SNTB1: variants seen among roughly 807,000 people sequenced by gnomAD.
SNTB1 encodes syntrophin beta 1, also known as beta-1-syntrophin.
A neutral mutation model predicts 48.9 loss-of-function variants in SNTB1; 36 were observed. The ratio of observed to expected loss-of-function variants is 0.74; its 90% CI spans 0.56 to 0.97. The LOEUF is 0.97. Ranked by LOEUF, SNTB1 falls within the 50% of genes least tolerant of loss-of-function variation. The probability of loss-of-function intolerance (pLI) is 0.00; values close to 1 mark genes in which losing one functional copy is unlikely to be tolerated. For missense variants in SNTB1, 786 were observed against 703.4 expected, an observed-to-expected ratio of 1.12 and a Z score of -1.33; for synonymous variants, 299 against 294.6, an observed-to-expected ratio of 1.01 and a Z score of -0.15.
intron 1 of SNTB1, among the ~76,000 whole-genome samples, chr8:120,798,697 G>T (rs751451334): frequency 6.6e-6 from 1 of 151,990 alleles, no homozygotes; most frequent in Non-Finnish European, 1.5e-5. Flanking sequence ...ATCTGGTATA[G>T]GTGGCCCAAA....
chr8:120,641,762 C>A (rs1817200323), intron 2 of SNTB1, among the ~76,000 whole-genome samples: 1 of 152,206 alleles, frequency 6.6e-6, no homozygotes, highest in South Asian at 2.1e-4. Flanking sequence ...ATATTACAGT[C>A]ATCCCAGAAA....
intron 3 of SNTB1, among the ~76,000 whole-genome samples, chr8:120,598,752 C>T (rs1376039281): frequency 6.6e-6 from 1 of 152,184 alleles, no homozygotes; most frequent in African/African-American, 2.4e-5. Flanking sequence ...GGCTGCCCTC[C>T]CTCCTGATCC....
At chr8:120,758,017 C>A (rs2130055953) in intron 1 of SNTB1, among the ~76,000 whole-genome samples, 1 of 152,204 alleles carries the variant, frequency 6.6e-6, no homozygotes, top group South Asian at 2.1e-4. Flanking sequence ...TGCATTATCT[C>A]ATTTATCGCT....
intron 1 of SNTB1, among the ~76,000 whole-genome samples, chr8:120,699,389 C>T (rs1485433294): frequency 1.3e-5 from 2 of 152,158 alleles, no homozygotes; most frequent in Non-Finnish European, 2.9e-5. Context: ...GCGCCATCCC[C>T]TTGGTAATGA....
At chr8:120,803,225 T>C (rs1481894944) in intron 1 of SNTB1, among the ~76,000 whole-genome samples, 1 of 152,202 alleles carries the variant, frequency 6.6e-6, no homozygotes, top group Non-Finnish European at 1.5e-5. Flanking sequence ...GTATGGGTCA[T>C]CATTTTAATT....
chr8:120,696,738 C>T (rs112012235), intron 1 of SNTB1, among the ~76,000 whole-genome samples: 11 of 152,274 alleles, frequency 7.2e-5, no homozygotes, highest in Middle Eastern at 3.4e-3. Context: ...TATTATTGTA[C>T]ACATCAGCAC....
At chr8:120,644,736 A>G (rs1201346373) in intron 2 of SNTB1, among the ~76,000 whole-genome samples, 3 of 150,542 alleles carry the variant, frequency 2.0e-5, no homozygotes, top group East Asian at 3.9e-4. Flanking sequence ...AGGAATCACC[A>G]CACTGACTTC....
chr8:120,729,228 C>T (rs191302745), intron 1 of SNTB1, among the ~76,000 whole-genome samples: 5 of 152,324 alleles, frequency 3.3e-5, no homozygotes, highest in South Asian at 4.1e-4. Flanking sequence ...AAGTGATCCG[C>T]CCACCTTGGC....
At chr8:120,563,132 C>G (rs1037274192) in intron 4 of SNTB1, among the ~76,000 whole-genome samples, 2 of 152,104 alleles carry the variant, frequency 1.3e-5, no homozygotes, top group Non-Finnish European at 2.9e-5. Flanking sequence ...CCACCAGCCA[C>G]TGGGACTGGG....
At position 120,778,024 on chromosome 8, in the gene SNTB1, C is replaced by G. The variant is rs1819765019; in HGVS notation, c.571+33249G>C. Among the ~76,000 whole-genome samples the G allele has an allele frequency of 3.3e-5, 5 of 152,334 alleles. No homozygotes were observed. In the South Asian group the frequency reaches 1.0e-3, roughly 32 times the overall value. ...ACCTTTGCTGTTTTGCAAACCACAG[C>G]TCTGTTAACAATGTCCAGTCATTTA... On this transcript the variant is annotated intron_variant, in intron 1 of 6. Coordinates refer to ENST00000517992, the MANE Select transcript of SNTB1 (RefSeq NM_021021.4).
intron 1 of SNTB1, among the ~76,000 whole-genome samples, chr8:120,710,701 G>C (rs904884066): frequency 2.0e-5 from 3 of 152,130 alleles, no homozygotes; most frequent in African/African-American, 7.2e-5. Flanking sequence ...CCCTCTGGAG[G>C]ACAAAGCAAG....
chr8:120,708,548 C>T (rs576753357), intron 1 of SNTB1, among the ~76,000 whole-genome samples: 2 of 151,896 alleles, frequency 1.3e-5, no homozygotes, highest in South Asian at 4.2e-4. Context: ...AACATAAATC[C>T]CAAATGCCAA....
At chr8:120,554,727 G>T (rs959809839) in intron 4 of SNTB1, among the ~76,000 whole-genome samples, 3 of 152,184 alleles carry the variant, frequency 2.0e-5, no homozygotes, top group African/African-American at 7.2e-5. Context: ...CTATGGAGTA[G>T]CCCTTCTCAG....
At chr8:120,624,384 G>A (rs904621137) in intron 3 of SNTB1, among the ~76,000 whole-genome samples, 4 of 152,210 alleles carry the variant, frequency 2.6e-5, no homozygotes, top group Non-Finnish European at 4.4e-5. Flanking sequence ...GCATGCACAT[G>A]AGAGAATCTG....
At chr8:120,649,830 G>A (rs149987918) in intron 2 of SNTB1, among the ~76,000 whole-genome samples, 35,983 of 152,004 alleles carry the variant, frequency 0.24, 4,485 homozygotes, top group Middle Eastern at 0.32. Context: ...CTCCGTGGGC[G>A]TAGGACCCTC....
intron 2 of SNTB1, among the ~76,000 whole-genome samples, chr8:120,683,758 C>T (rs141122392): frequency 6.6e-6 from 1 of 152,246 alleles, no homozygotes; most frequent in African/African-American, 2.4e-5. Context: ...CTTGACCTTC[C>T]AGTTCTCTCT....
intron 1 of SNTB1, among the ~76,000 whole-genome samples, chr8:120,726,665 G>T (rs1818760346): frequency 6.6e-6 from 1 of 152,286 alleles, no homozygotes; most frequent in South Asian, 2.1e-4. Flanking sequence ...GAAATTTAGA[G>T]CCATTATCTG....
intron 2 of SNTB1, among the ~76,000 whole-genome samples, chr8:120,690,916 G>A (rs1336903299): frequency 6.6e-6 from 1 of 152,274 alleles, no homozygotes; most frequent in Non-Finnish European, 1.5e-5. Context: ...AAGTCCCTTC[G>A]GAACCATCTG....
chr8:120,672,376 G>A (rs1445716973), intron 2 of SNTB1, among the ~76,000 whole-genome samples: 1 of 152,196 alleles, frequency 6.6e-6, no homozygotes, highest in African/African-American at 2.4e-5. Context: ...CCAGAAATCT[G>A]TATGTTTCTT....
Sources: allele counts gnomAD v4.1 joint callset (sites outside exome capture counted in the v4.1 genomes callset), GRCh38; gene constraint gnomAD v4.1.1; transcripts MANE v1.5; gene names NCBI Gene and HGNC (gene_info 2026-07-23, HGNC 2026-07-21).